The following EVI5 variants were observed in gnomAD, a reference collection of about 807,000 sequenced individuals.
EVI5 encodes ecotropic viral integration site 5.
EVI5 carries 73 observed loss-of-function variants against 112.0 expected under a neutral mutation model. The ratio of observed to expected loss-of-function variants is 0.65; its 90% CI spans 0.54 to 0.79. The LOEUF is 0.79. Ranked by LOEUF, EVI5 falls within the 30% of genes least tolerant of loss-of-function variation. The pLI is 0.00. For missense variants in EVI5, 900 were observed against 968.8 expected (o/e 0.93, Z 0.94); for synonymous variants, 305 against 319.9 (o/e 0.95, Z 0.50).
chr1:92,760,035 T>G (rs1025269110), intron 1 of EVI5, among the ~76,000 whole-genome samples: 1 of 152,146 alleles, frequency 6.6e-6, no homozygotes. Flanking sequence ...TAACAGAAAC[T>G]GCCAAAAGCA....
intron 14 of EVI5, among the ~76,000 whole-genome samples, chr1:92,630,863 A>T (rs1048558095): frequency 6.6e-6 from 1 of 152,124 alleles, no homozygotes; most frequent in Admixed American, 6.5e-5. Context: ...TAAGGAAGGG[A>T]TCCAGTTTCA....
chr1:92,653,539 C>T (rs374428283), intron 13 of EVI5, among the ~76,000 whole-genome samples: 8 of 152,314 alleles, frequency 5.3e-5, no homozygotes, highest in African/African-American at 1.7e-4. Context: ...ATGGGGACTC[C>T]TCCTCAACCC....
chr1:92,531,148 T>C (rs909868007), intron 19 of EVI5, among the ~76,000 whole-genome samples: 1 of 151,428 alleles, frequency 6.6e-6, no homozygotes, highest in Non-Finnish European at 1.5e-5. Flanking sequence ...CATACACAAG[T>C]ATCAATAGCC....
chr1:92,723,805 G>A (rs902275020), intron 2 of EVI5, among the ~76,000 whole-genome samples: 5 of 152,220 alleles, frequency 3.3e-5, no homozygotes, highest in East Asian at 1.9e-4. Context: ...CAGAAATATC[G>A]CTGAATTATT....
At chr1:92,731,794 A>C (rs1445976433) in intron 2 of EVI5, among the ~76,000 whole-genome samples, 2 of 152,218 alleles carry the variant, frequency 1.3e-5, no homozygotes, top group Non-Finnish European at 2.9e-5. Context: ...TAAGTAAAGA[A>C]AGAACAGCCA....
chr1:92,747,705 C>T (rs980938), intron 1 of EVI5, among the ~76,000 whole-genome samples: 116,038 of 129,612 alleles, frequency 0.9, 52,124 homozygotes, highest in East Asian at 0.97. Context: ...CAGAGCCAGA[C>T]TCCATCTCAC....
chr1:92,776,123 A>T (rs1001793774), intron 1 of EVI5, among the ~76,000 whole-genome samples: 13 of 152,034 alleles, frequency 8.6e-5, no homozygotes, highest in South Asian at 2.1e-4. Flanking sequence ...AAAAAAAAAA[A>T]AATTAATTTG....
intron 13 of EVI5, among the ~76,000 whole-genome samples, chr1:92,660,623 A>G (rs1412412002): frequency 6.6e-6 from 1 of 152,064 alleles, no homozygotes; most frequent in Non-Finnish European, 1.5e-5. Context: ...TCAATGTGTT[A>G]GCTAATTACT....
intron 1 of EVI5, among the ~76,000 whole-genome samples, chr1:92,738,190 G>A (rs916624307): frequency 1.3e-5 from 2 of 152,090 alleles, no homozygotes; most frequent in East Asian, 1.9e-4. Flanking sequence ...TTTGTGCCAC[G>A]AAATGACAGA....
At chr1:92,575,675 T>G (rs1331286887) in intron 18 of EVI5, among the ~76,000 whole-genome samples, 3 of 147,248 alleles carry the variant, frequency 2.0e-5, no homozygotes, top group African/African-American at 5.0e-5. Context: ...GTTCAAGCGA[T>G]TCTCATGCCT....
chr1:92,585,795 C>T (rs1192809698), intron 18 of EVI5, among the ~76,000 whole-genome samples: 1 of 151,712 alleles, frequency 6.6e-6, no homozygotes, highest in South Asian at 2.1e-4. Context: ...AATATTGATA[C>T]ATTACTACTA....
chr1:92,611,918 T>C (rs566285797), intron 16 of EVI5, among the ~76,000 whole-genome samples: 1 of 148,950 alleles, frequency 6.7e-6, no homozygotes, highest in African/African-American at 2.5e-5. Flanking sequence ...AGACCCTATT[T>C]AAAAAAGAAA....
chr1:92,665,972 T>A lies in EVI5; in HGVS notation c.1179A>T (p.Arg393Ser). The A allele has an allele frequency of 6.2e-7, 1 of 1,608,470 alleles. No homozygotes were observed. The highest frequency in any genetic ancestry group is 8.5e-7 in the Non-Finnish European group (1 of 1,178,098). Reference sequence around the variant, plus strand: ...ATGTCTCGATGCGCTGTTTTAAAAGTCTATTTTCTGTGCGTAACCTCTGCC... The same window carrying A: ...ATGTCTCGATGCGCTGTTTTAAAAGACTATTTTCTGTGCGTAACCTCTGCC... ...VEIKRLRTEN[R>S]LLKQRIETLE... The change falls in exon 11 of 20, where the codon AGA (arginine) becomes AGT (serine). Residue 393 changes from arginine (R) to serine (S), a missense_variant. Transcript: ENST00000684568.
chr1:92,642,357 T>C (rs1162226463), intron 13 of EVI5, among the ~76,000 whole-genome samples: 1 of 152,200 alleles, frequency 6.6e-6, no homozygotes, highest in Non-Finnish European at 1.5e-5. Context: ...ATGTAAAACA[T>C]TTTATCTTTA....
chr1:92,619,445 C>CATATATATATAT (rs34573809), intron 16 of EVI5, among the ~76,000 whole-genome samples: 6 of 146,826 alleles, frequency 4.1e-5, no homozygotes, highest in African/African-American at 1.5e-4. Flanking sequence ...AATAAACTCC[C>CATATATATATAT]ATATATATAT....
chr1:92,667,586 T>C (rs1400244688), intron 10 of EVI5, among the ~76,000 whole-genome samples: 2 of 152,206 alleles, frequency 1.3e-5, no homozygotes, highest in African/African-American at 4.8e-5. Context: ...ACCAGTATAA[T>C]TGCTTATTAA....
chr1:92,619,504 C>A (rs548505956), intron 16 of EVI5, among the ~76,000 whole-genome samples: 2 of 151,640 alleles, frequency 1.3e-5, no homozygotes, highest in East Asian at 1.9e-4. Context: ...CTGACTAATA[C>A]AACATCTGAC....
chr1:92,581,354 T>C (rs1189466336), intron 18 of EVI5, among the ~76,000 whole-genome samples: 1 of 152,280 alleles, frequency 6.6e-6, no homozygotes, highest in Non-Finnish European at 1.5e-5. Flanking sequence ...ATTTCCCATA[T>C]TCAGTGTGTT....
At chr1:92,550,872 A>G (rs1213606459) in intron 19 of EVI5, among the ~76,000 whole-genome samples, 1 of 135,760 alleles carries the variant, frequency 7.4e-6, no homozygotes, top group Non-Finnish European at 1.6e-5. Context: ...GAAGTTCTCA[A>G]CAGATTAAGA....
Sources: allele counts gnomAD v4.1 joint callset (sites outside exome capture counted in the v4.1 genomes callset), GRCh38; gene constraint gnomAD v4.1.1; transcripts MANE v1.5; gene names NCBI Gene and HGNC (gene_info 2026-07-23, HGNC 2026-07-21).